The following DCDC2 variants were observed in gnomAD, a reference collection of about 807,000 sequenced individuals.
The protein encoded by DCDC2 is doublecortin domain-containing protein 2.
Under a neutral mutation model 50.2 loss-of-function variants are expected in DCDC2, and 40 were observed. That is an observed-to-expected ratio of 0.80 (90% CI 0.62 to 1.04). The LOEUF (loss-of-function observed/expected upper bound fraction) is 1.04. Among genes scored for constraint, DCDC2 ranks in the 50% least tolerant of loss-of-function variants. The pLI is 0.00. For missense variants in DCDC2, 570 were observed against 581.9 expected (o/e 0.98, Z 0.21); for synonymous variants, 234 against 210.6 (o/e 1.11, Z -0.96).
intron 7 of DCDC2, among the ~76,000 whole-genome samples, chr6:24,209,313 A>G (rs551223842): frequency 3.3e-5 from 5 of 152,210 alleles, no homozygotes; most frequent in Non-Finnish European, 7.4e-5. Flanking sequence ...AAACTTGCAC[A>G]GTAAATTTGT....
rs553643513 is a variant in DCDC2, at chr6:24,295,365, G to A, written c.558-4287C>T. The stretch of plus-strand genomic sequence containing the variant: ...GAGAAACCCACAGCTAACATCACAC[G>A]GAATGGGCAAAAACTGGAAGCATTC... On this transcript the variant is annotated intron_variant, in intron 4 of 9. Transcript: ENST00000378454. 1.0e-3 allele frequency among the ~76,000 whole-genome samples: 152 copies of A among 152,190 alleles called. 1 individual carries two copies. The Middle Eastern group carries it at 0.01, about 10-fold the overall frequency.
intron 5 of DCDC2, among the ~76,000 whole-genome samples, chr6:24,289,971 CTTTTTTTTTTTTT>C (rs3077132): frequency 0.017 from 1,031 of 61,026 alleles, 155 homozygotes; most frequent in African/African-American, 0.05. Flanking sequence ...CAGAGCTCTT[CTTTTTTTTTTTTT>C]TTTTTTTTTT....
At chr6:24,220,899 C>G (rs868811800) in intron 7 of DCDC2, among the ~76,000 whole-genome samples, 1 of 115,752 alleles carries the variant, frequency 8.6e-6, no homozygotes, top group African/African-American at 2.9e-5. Context: ...AGTGAGCGAG[C>G]GAGCGAGAGA....
chr6:24,180,777 A>G (rs1581570675), intron 8 of DCDC2, among the ~76,000 whole-genome samples: 1 of 152,304 alleles, frequency 6.6e-6, no homozygotes, highest in Non-Finnish European at 1.5e-5. Context: ...CTGACCAAAC[A>G]ACTGACCAAA....
intron 2 of DCDC2, among the ~76,000 whole-genome samples, chr6:24,347,544 GGT>G (rs1760289735): frequency 6.6e-6 from 1 of 152,100 alleles, no homozygotes; most frequent in Admixed American, 6.5e-5. Flanking sequence ...CATTGCACTG[GGT>G]ATTACTAGTA....
chr6:24,246,581 G>C (rs1313557118), intron 7 of DCDC2, among the ~76,000 whole-genome samples: 1 of 129,048 alleles, frequency 7.7e-6, no homozygotes, highest in Non-Finnish European at 1.6e-5. Context: ...CTGCCTCCCA[G>C]GTTCAAGCGA....
intron 7 of DCDC2, among the ~76,000 whole-genome samples, chr6:24,232,036 CAT>C (rs1762348234): frequency 2.7e-5 from 4 of 149,734 alleles, no homozygotes; most frequent in African/African-American, 7.3e-5. Context: ...CACATACACA[CAT>C]ACATACATAT....
chr6:24,174,876 G>A (rs1174143830), intron 9 of DCDC2, 42 bp from the exon 10 acceptor site: 2 of 1,295,116 alleles, frequency 1.5e-6, no homozygotes, highest in Non-Finnish European at 2.2e-6. Flanking sequence ...CAGCTGTTTG[G>A]TTCACAAAGG....
intron 7 of DCDC2, among the ~76,000 whole-genome samples, chr6:24,216,257 G>T (rs1761973156): frequency 6.6e-6 from 1 of 151,816 alleles, no homozygotes; most frequent in Non-Finnish European, 1.5e-5. Context: ...CAGAGTTCTA[G>T]GAAACAACAT....
At chr6:24,234,230 TAA>T (rs5874971) in intron 7 of DCDC2, among the ~76,000 whole-genome samples, 84 of 141,304 alleles carry the variant, frequency 5.9e-4, no homozygotes, top group Middle Eastern at 3.6e-3. Context: ...AAGGAGACCA[TAA>T]AAAAAAAAAA....
At chr6:24,238,596 G>A (rs1261292097) in intron 7 of DCDC2, among the ~76,000 whole-genome samples, 1 of 152,064 alleles carries the variant, frequency 6.6e-6, no homozygotes, top group Admixed American at 6.5e-5. Flanking sequence ...ACTGCACCAG[G>A]CCCGAACACC....
intron 2 of DCDC2, among the ~76,000 whole-genome samples, chr6:24,347,218 T>A (rs1760281568): frequency 6.6e-6 from 1 of 152,178 alleles, no homozygotes; most frequent in Admixed American, 6.5e-5. Context: ...AGCTCTTGAA[T>A]CAAAGAAATC....
chr6:24,194,717 A>G (rs1761394019), intron 8 of DCDC2, among the ~76,000 whole-genome samples: 1 of 152,238 alleles, frequency 6.6e-6, no homozygotes, highest in Admixed American at 6.5e-5. Context: ...GTGCCAGAGC[A>G]ATCACAGGCA....
At chr6:24,284,401 T>C (rs1468752461) in intron 6 of DCDC2, among the ~76,000 whole-genome samples, 4 of 149,878 alleles carry the variant, frequency 2.7e-5, no homozygotes, top group Non-Finnish European at 5.9e-5. Flanking sequence ...AGGTCAGGAG[T>C]TCAAGACCAG....
rs769447848 is a variant in DCDC2, at chr6:24,357,585, G to A, written c.166C>T (p.Gln56Ter). The change falls in exon 1 of 10, where the codon CAG becomes TAG. Residue 56 changes from glutamine (Q) to a stop codon, truncating the protein, a stop_gained. Transcript: ENST00000378454. LOFTEE classifies it high-confidence loss of function. ...TTCCTGACGGCCCCAAAGGGTGCCT[G>A]AACGCCGCCGGTCACCTCCTTCAGG... is the stretch of plus-strand genomic sequence containing the variant. ...VFLKEVTGGVQAPFGAVRNIY... is the reference protein window; with the variant it reads ...VFLKEVTGGV 1 of 1,613,392 alleles carries A rather than the reference G, an allele frequency of 6.2e-7. No individual in the cohort carries two copies. Among genetic ancestry groups the A allele is most frequent in the Non-Finnish European group, 8.5e-7 (1 of 1,180,012 alleles).
chr6:24,179,352 C>T (rs1760999354), intron 8 of DCDC2, among the ~76,000 whole-genome samples: 1 of 150,990 alleles, frequency 6.6e-6, no homozygotes, highest in African/African-American at 2.4e-5. Context: ...TCGAGACCAT[C>T]CTGGCTAACA....
chr6:24,219,279 T>G (rs576865988), intron 7 of DCDC2, among the ~76,000 whole-genome samples: 16 of 152,316 alleles, frequency 1.1e-4, no homozygotes, highest in African/African-American at 3.6e-4. Context: ...TGATGATGAT[T>G]AATACTTAGA....
intron 4 of DCDC2, among the ~76,000 whole-genome samples, chr6:24,293,634 A>G (rs1763799491): frequency 6.6e-6 from 1 of 152,220 alleles, no homozygotes; most frequent in African/African-American, 2.4e-5. Flanking sequence ...TAAAAGCAGA[A>G]AATTAGCAAA....
At chr6:24,226,088 A>G (rs1194212960) in intron 7 of DCDC2, among the ~76,000 whole-genome samples, 2 of 152,246 alleles carry the variant, frequency 1.3e-5, no homozygotes, top group Non-Finnish European at 2.9e-5. Context: ...AAAGATGTCT[A>G]AAACATAATA....
Sources: gnomAD v4.1 joint callset for allele counts (sites outside exome capture counted in the v4.1 genomes callset) on GRCh38, gnomAD v4.1.1 for gene constraint, MANE v1.5 for transcripts, NCBI Gene and HGNC (gene_info 2026-07-23, HGNC 2026-07-21) for gene names.